The following CLYBL variants were observed in gnomAD, a reference collection of about 807,000 sequenced individuals.
CLYBL encodes citramalyl-CoA lyase, mitochondrial.
CLYBL carries 31 observed loss-of-function variants against 38.9 expected under a neutral mutation model. That is an observed-to-expected ratio of 0.80 (90% confidence interval 0.60 to 1.08). The LOEUF (loss-of-function observed/expected upper bound fraction) is 1.08, where lower values mean the gene tolerates loss of function less well. Ranked by LOEUF, CLYBL falls within the 50% of genes least tolerant of loss-of-function variation. The pLI, the probability that CLYBL is intolerant of heterozygous loss-of-function variation, is 0.00. For synonymous variants in CLYBL, 171 were observed against 158.6 expected, an observed-to-expected ratio of 1.08 and a Z score of -0.59; for missense variants, 434 against 411.6, an observed-to-expected ratio of 1.05 and a Z score of -0.47.
intron 2 of CLYBL, among the ~76,000 whole-genome samples, chr13:99,818,592 A>C (rs1200732676): frequency 6.6e-6 from 1 of 152,174 alleles, no homozygotes; most frequent in Admixed American, 6.5e-5. Flanking sequence ...ACAACAACTC[A>C]TACTGCTGGA....
intron 3 of CLYBL, 26 bp from the exon 4 acceptor site, chr13:99,862,956 TCCCCACTAA>T: frequency 1.6e-6 from 2 of 1,225,528 alleles, no homozygotes; most frequent in Non-Finnish European, 2.4e-6. Context: ...GTACATTTTT[TCCCCACTAA>T]TCACCTATGA....
intron 7 of CLYBL, among the ~76,000 whole-genome samples, chr13:99,875,594 C>T (rs539820791): frequency 3.9e-5 from 6 of 152,248 alleles, no homozygotes; most frequent in Admixed American, 6.5e-5. Flanking sequence ...ATATTGTTTC[C>T]GCTTATTCAA....
At chr13:99,634,389 T>A (rs1430103697) in intron 1 of CLYBL, among the ~76,000 whole-genome samples, 2 of 152,166 alleles carry the variant, frequency 1.3e-5, no homozygotes. Flanking sequence ...CCCCAGATGA[T>A]AACTTGGATC....
chr13:99,845,980 A>AAAC (rs386380436), intron 2 of CLYBL, among the ~76,000 whole-genome samples: 6 of 151,948 alleles, frequency 3.9e-5, no homozygotes, highest in South Asian at 2.1e-4. Context: ...CCTAAAAAAA[A>AAAC]AACAAAGCCA....
At chr13:99,840,122 C>G (rs911172928) in intron 2 of CLYBL, among the ~76,000 whole-genome samples, 1 of 151,842 alleles carries the variant, frequency 6.6e-6, no homozygotes, top group African/African-American at 2.4e-5. Flanking sequence ...CAATGTCTGT[C>G]TCATCTATCT....
chr13:99,743,117 A>G (rs1373755238), intron 1 of CLYBL, among the ~76,000 whole-genome samples: 1 of 150,560 alleles, frequency 6.6e-6, no homozygotes, highest in Non-Finnish European at 1.5e-5. Flanking sequence ...AATTTAAAAC[A>G]CTACAGTGTT....
intron 1 of CLYBL, among the ~76,000 whole-genome samples, chr13:99,637,962 C>CTATTTTT: frequency 1.1e-5 from 1 of 94,998 alleles, no homozygotes; most frequent in Non-Finnish European, 2.0e-5. Context: ...TCAACAGTGC[C>CTATTTTT]TTTTTTTTTT....
intron 3 of CLYBL, among the ~76,000 whole-genome samples, chr13:99,860,166 C>T (rs2051565796): frequency 6.6e-6 from 1 of 152,080 alleles, no homozygotes; most frequent in Non-Finnish European, 1.5e-5. Flanking sequence ...ATTTTGAAGA[C>T]TCGGGACTCA....
chr13:99,801,528 A>AG (rs2050136244), intron 2 of CLYBL, among the ~76,000 whole-genome samples: 1 of 152,038 alleles, frequency 6.6e-6, no homozygotes, highest in East Asian at 1.9e-4. Flanking sequence ...ATAGAAAAAA[A>AG]AGAATTCTCC....
At chr13:99,637,371 C>T (rs1047553056) in intron 1 of CLYBL, among the ~76,000 whole-genome samples, 2 of 152,234 alleles carry the variant, frequency 1.3e-5, no homozygotes, top group African/African-American at 4.8e-5. Context: ...TGCCCTAAGC[C>T]ATTTCTGTCA....
At chr13:99,733,817 G>A (rs553697260) in intron 1 of CLYBL, among the ~76,000 whole-genome samples, 6 of 152,332 alleles carry the variant, frequency 3.9e-5, no homozygotes, top group Admixed American at 3.9e-4. Context: ...GGGGAGCAGT[G>A]CAGCTTCCAT....
chr13:99,908,088 G>A (rs1160560034), exon 10 of CLYBL, among the ~76,000 whole-genome samples: 13 of 152,224 alleles, frequency 8.5e-5, no homozygotes, highest in Non-Finnish European at 2.9e-5. Context: ...TCTCTACAAG[G>A]AGGAATCTGA....
intron 2 of CLYBL, among the ~76,000 whole-genome samples, chr13:99,825,192 G>T (rs2050671522): frequency 6.6e-6 from 1 of 152,172 alleles, no homozygotes; most frequent in Non-Finnish European, 1.5e-5. Flanking sequence ...AACAAGCCCT[G>T]GGGGAGTCTG....
chr13:99,636,596 C>T (rs2047021312), intron 1 of CLYBL, among the ~76,000 whole-genome samples: 1 of 152,184 alleles, frequency 6.6e-6, no homozygotes, highest in South Asian at 2.1e-4. Flanking sequence ...TGAGTATCAG[C>T]CACTACATTC....
intron 7 of CLYBL, among the ~76,000 whole-genome samples, chr13:99,878,746 A>G (rs756084108): frequency 6.6e-6 from 1 of 152,224 alleles, no homozygotes; most frequent in African/African-American, 2.4e-5. Context: ...TGTAAATCCA[A>G]TTGTCTTCAC....
chr13:99,730,369 A>T (rs972212545), intron 1 of CLYBL, among the ~76,000 whole-genome samples: 4 of 152,196 alleles, frequency 2.6e-5, no homozygotes, highest in Non-Finnish European at 5.9e-5. Flanking sequence ...CAGCACGCTC[A>T]TGGGGGCAGC....
At chr13:99,825,285 C>G (rs1456012628) in intron 2 of CLYBL, among the ~76,000 whole-genome samples, 1 of 152,132 alleles carries the variant, frequency 6.6e-6, no homozygotes, top group Non-Finnish European at 1.5e-5. Context: ...GCTGTTAACC[C>G]CTCTGAGCCT....
chr13:99,647,189 TAC>T (rs2047189405), intron 1 of CLYBL, among the ~76,000 whole-genome samples: 1 of 152,306 alleles, frequency 6.6e-6, no homozygotes, highest in South Asian at 2.1e-4. Flanking sequence ...TGAGAAATGC[TAC>T]AGTCTTTAAA....
chr13:99,691,746 C>T (rs182934427), intron 1 of CLYBL, among the ~76,000 whole-genome samples: 6 of 152,272 alleles, frequency 3.9e-5, no homozygotes, highest in East Asian at 1.9e-4. Context: ...TCCCTTCTTC[C>T]GCAGTCACCT....
Sources: allele counts gnomAD v4.1 joint callset (sites outside exome capture counted in the v4.1 genomes callset), GRCh38; gene constraint gnomAD v4.1.1; transcripts MANE v1.5; gene names NCBI Gene and HGNC (gene_info 2026-07-23, HGNC 2026-07-21).